XYLB: variants seen among roughly 807,000 people sequenced by gnomAD.
XYLB encodes the protein xylulose kinase.
In XYLB, 62 loss-of-function variants were observed where a neutral mutation model predicts 78.7. The ratio of observed to expected loss-of-function variants is 0.79; its 90% CI spans 0.64 to 0.97. The LOEUF is 0.97. XYLB is among the 50% of genes least tolerant of loss of function. XYLB has a pLI of 0.00. For synonymous variants in XYLB, 245 were observed against 247.4 expected, an observed-to-expected ratio of 0.99 and a Z score of 0.09; for missense variants, 687 against 676.8, an observed-to-expected ratio of 1.02 and a Z score of -0.17.
At chr3:38,372,602 G>A in intron 9 of XYLB, 53 bp from the exon 10 acceptor site, 1 of 1,613,268 alleles carries the variant, frequency 6.2e-7, no homozygotes, top group Non-Finnish European at 8.5e-7. Flanking sequence ...GGCTGTGCTG[G>A]GCAGGCGGGA....
At chr3:38,405,567 G>A (rs1352906620) in intron 18 of XYLB, among the ~76,000 whole-genome samples, 10 of 152,214 alleles carry the variant, frequency 6.6e-5, no homozygotes, top group Non-Finnish European at 1.0e-4. Context: ...TGCGCAAGCC[G>A]AAGCAGGGCG....
chr3:38,373,606 C>T (rs1388432933), intron 10 of XYLB, among the ~76,000 whole-genome samples: 3 of 152,068 alleles, frequency 2.0e-5, no homozygotes, highest in Non-Finnish European at 2.9e-5. Context: ...GCAGTGCAGA[C>T]GATGTTGAGA....
At chr3:38,365,817 G>GA in intron 6 of XYLB, 81 bp downstream of exon 6, 2 of 1,486,538 alleles carry the variant, frequency 1.3e-6, no homozygotes, top group South Asian at 1.3e-5. Context: ...CCTCTGGGGG[G>GA]ATCACATGAG....
chr3:38,388,137 A>C (rs1467559429), intron 15 of XYLB, among the ~76,000 whole-genome samples: 1 of 149,958 alleles, frequency 6.7e-6, no homozygotes, highest in African/African-American at 2.5e-5. Flanking sequence ...CCCTTCTATC[A>C]GGAAGTGCGG....
the XYLB span, among the ~76,000 whole-genome samples, chr3:38,431,858 A>G: frequency 1.3e-5 from 2 of 152,196 alleles, no homozygotes; most frequent in Non-Finnish European, 2.9e-5. Flanking sequence ...ATGAGAACTC[A>G]CTATCATTAG....
chr3:38,414,670 C>T lies in XYLB; in HGVS notation c.*1657C>T, dbSNP rs1345527565. On this transcript the variant is annotated 3_prime_UTR_variant, in exon 19 of 19. Coordinates refer to ENST00000207870, the MANE Select transcript of XYLB (RefSeq NM_005108.4). ...GACTGAACTTGGGAAATAATTTGAA[C>T]AAAAAGATAAATCTTCACAGATATG... 2 of 151,972 alleles carry T rather than the reference C, an allele frequency of 1.3e-5. No homozygotes were observed. The highest frequency in any genetic ancestry group is 2.9e-5 in the Non-Finnish European group (2 of 67,976). The allele number at this position is 151,972 out of a possible 1,614,324, so 9.4% of individuals were successfully genotyped here.
At chr3:38,447,571 G>A in the XYLB span, among the ~76,000 whole-genome samples, 28 of 148,894 alleles carry the variant, frequency 1.9e-4, no homozygotes, top group Non-Finnish European at 2.5e-4. Flanking sequence ...CTCCCTCCTC[G>A]GCCTCCCATA....
Position 38,362,938 on chromosome 3 carries a change from C to A in XYLB, c.212C>A (p.Ala71Glu). The change falls in exon 4 of 19, where the codon GCA (alanine) becomes GAA (glutamate). Residue 71 changes from alanine to glutamate, a missense_variant and splice_region_variant. Transcript: ENST00000207870. ...VTSPVLMWVQ[A>E]LDIILEKMKA... Reference sequence around the variant, plus strand: ...GGTGGGTTCTGTTTTTCTTCTTAGGCACTGGATATCATCTTGGAGAAGATG... The same window carrying A: ...GGTGGGTTCTGTTTTTCTTCTTAGGAACTGGATATCATCTTGGAGAAGATG... The A allele has an allele frequency of 6.4e-7, 1 of 1,572,920 alleles. No homozygotes were observed. The highest frequency in any genetic ancestry group is 8.6e-7 in the Non-Finnish European group (1 of 1,158,126).
chr3:38,365,531 G>A, intron 5 of XYLB, 77 bp from the exon 6 acceptor site: 3 of 1,547,272 alleles, frequency 1.9e-6, no homozygotes, highest in South Asian at 1.2e-5. Context: ...GTGATGGGCA[G>A]TGTGACCGCC....
chr3:38,351,171 CAAAAAAAAAAA>C (rs58457623), intron 2 of XYLB, among the ~76,000 whole-genome samples: 38 of 23,084 alleles, frequency 1.6e-3, no homozygotes, highest in South Asian at 0.016. Flanking sequence ...GAGCCTGTCT[CAAAAAAAAAAA>C]AAAAAAAAAA....
intron 1 of XYLB, among the ~76,000 whole-genome samples, chr3:38,347,662 C>T (rs999738772): frequency 6.6e-6 from 1 of 151,314 alleles, no homozygotes; most frequent in African/African-American, 2.4e-5. Flanking sequence ...GGCGACAGAA[C>T]GGGACCCTGT....
In XYLB at chr3:38,376,211, A is replaced by G; in HGVS notation, c.1099A>G (p.Met367Val). Residue 367 changes from methionine to valine, a missense_variant, in exon 13 of 19, where the codon ATG becomes GTG. Met to Val is a conservative substitution (Grantham distance 21, BLOSUM62 1). Transcript: ENST00000207870. ...CTCTAAGGCACTGCAGTCCACAGAG[A>G]TGGGCAACGGTGGAAACCTGGGTAG... ...DFSKALQSTE[M>V]GNGGNLGFYF... 2 of 1,613,522 alleles carry G rather than the reference A, an allele frequency of 1.2e-6. No homozygotes were observed. Among genetic ancestry groups the G allele is most frequent in the Non-Finnish European group, 1.7e-6 (2 of 1,179,474 alleles).
chr3:38,437,613 T>A, the XYLB span, among the ~76,000 whole-genome samples: 3 of 152,216 alleles, frequency 2.0e-5, no homozygotes, highest in African/African-American at 7.2e-5. Context: ...GTCGTGTTGC[T>A]ATACATGAAT....
intron 15 of XYLB, among the ~76,000 whole-genome samples, chr3:38,393,814 T>G (rs1284016036): frequency 2.6e-5 from 4 of 152,300 alleles, no homozygotes; most frequent in Admixed American, 6.5e-5. Context: ...TATTTTTAAC[T>G]TAATTACCTC....
chr3:38,448,033 A>T, the XYLB span, among the ~76,000 whole-genome samples: 2 of 152,122 alleles, frequency 1.3e-5, no homozygotes, highest in African/African-American at 2.4e-5. Context: ...CCTGGGCAAC[A>T]TAGTGAGACC....
chr3:38,412,686 T>G (rs1164362814), intron 18 of XYLB, among the ~76,000 whole-genome samples: 1 of 152,168 alleles, frequency 6.6e-6, no homozygotes, highest in Non-Finnish European at 1.5e-5. Flanking sequence ...CTCACCAGAA[T>G]TTTTTTGAAA....
In XYLB at chr3:38,348,568, G is replaced by C; in HGVS notation, c.76G>C (p.Asp26His). 6.2e-7 allele frequency: 1 copy of C among 1,614,150 alleles called. No homozygotes were observed. The highest frequency in any genetic ancestry group is 8.5e-7 in the Non-Finnish European group (1 of 1,180,032). Reference sequence around the variant, plus strand: ...CTTTCAGGTAAAGGTTGTTGCTGTTGATGCAGAGTTGAATGTCTTCTATGA... The same window carrying C: ...CTTTCAGGTAAAGGTTGTTGCTGTTCATGCAGAGTTGAATGTCTTCTATGA... ...STQQVKVVAV[D>H]AELNVFYEES... The change falls in exon 2 of 19, where the codon GAT (aspartate) becomes CAT (histidine). Residue 26 changes from aspartate (D) to histidine (H), a missense_variant. Physicochemically the swap from Asp to His is moderately conservative, Grantham distance 81. Coordinates refer to ENST00000207870, the MANE Select transcript of XYLB (RefSeq NM_005108.4).
chr3:38,421,250 C>T (rs1488305678), downstream of XYLB: 4 of 152,580 alleles, frequency 2.6e-5, no homozygotes, highest in Non-Finnish European at 5.9e-5. Flanking sequence ...GAGCTGGTCT[C>T]GGCAAGTGGT....
At chr3:38,365,349 T>C (rs1706197598) in intron 5 of XYLB, 64 bp downstream of exon 5, 2 of 1,537,202 alleles carry the variant, frequency 1.3e-6, no homozygotes, top group Non-Finnish European at 1.8e-6. Context: ...CTGTGGGTCC[T>C]GAAGCCTGCT....
Sources: gnomAD v4.1 joint callset for allele counts (sites outside exome capture counted in the v4.1 genomes callset) on GRCh38, gnomAD v4.1.1 for gene constraint, MANE v1.5 for transcripts, NCBI Gene and HGNC (gene_info 2026-07-23, HGNC 2026-07-21) for gene names.